The following CXorf58 variants were observed in gnomAD, a reference collection of about 807,000 sequenced individuals.
CXorf58 encodes the protein chromosome X open reading frame 58, also known as uncharacterized protein CXorf58.
CXorf58 carries 24 observed loss-of-function variants against 26.0 expected under a neutral mutation model. The observed-to-expected ratio is 0.92, with a 90% CI of 0.67 to 1.30. The LOEUF (loss-of-function observed/expected upper bound fraction) is 1.30. Among genes scored for constraint, CXorf58 ranks in the 50% most tolerant of loss-of-function variants. CXorf58 has a pLI of 0.00. For synonymous variants in CXorf58, 87 were observed against 86.1 expected, an observed-to-expected ratio of 1.01 and a Z score of -0.06; for missense variants, 236 against 263.9, an observed-to-expected ratio of 0.89 and a Z score of 0.73.
intron 1 of CXorf58, among the ~76,000 whole-genome samples, chrX:23,909,919 TGTAGTTAACAA>T (rs1240649000): frequency 1.8e-5 from 2 of 111,919 alleles, no homozygotes; most frequent in Non-Finnish European, 3.8e-5. Flanking sequence ...CTGAGGACTC[TGTAGTTAACAA>T]GATGCCTCCT....
At chrX:23,936,194 G>C (rs1928294034) in intron 7 of CXorf58, among the ~76,000 whole-genome samples, 1 of 111,008 alleles carries the variant, frequency 9.0e-6, no homozygotes, top group South Asian at 3.9e-4. Flanking sequence ...AGTTGGGGGT[G>C]GGGTGTGCCT....
At chrX:23,909,342 A>G (rs369662784) in intron 1 of CXorf58, among the ~76,000 whole-genome samples, 7 of 111,509 alleles carry the variant, frequency 6.3e-5, no homozygotes, top group African/African-American at 2.3e-4. Context: ...TAGTATTAAC[A>G]TTGATGACTT....
At chrX:23,934,061 T>C (rs1030670963) in intron 6 of CXorf58, among the ~76,000 whole-genome samples, 1 of 110,577 alleles carries the variant, frequency 9.0e-6, no homozygotes, top group African/African-American at 3.3e-5. Flanking sequence ...AACCCAAGCA[T>C]GTCATGAACA....
Position 23,910,264 on chromosome X carries a change from T to C in CXorf58, c.-20-19T>C. On this transcript the variant is annotated intron_variant, in intron 1 of 8. Coordinates refer to ENST00000379211, the MANE Select transcript of CXorf58 (RefSeq NM_152761.3). The stretch of plus-strand genomic sequence containing the variant: ...TAGTATAAATTATGACCTCAAAGGG[T>C]TAATTTATGTACTTTCAGATTACTT... 1.2e-6 allele frequency: 1 copy of C among 845,240 alleles called. No homozygotes were observed. Among genetic ancestry groups the C allele is most frequent in the Non-Finnish European group, 1.7e-6 (1 of 574,099 alleles). The allele number at this position is 845,240 out of a possible 1,213,427, so 69.7% of individuals were successfully genotyped here.
chrX:23,927,740 C>T (rs1057004183), intron 6 of CXorf58, among the ~76,000 whole-genome samples: 2 of 111,178 alleles, frequency 1.8e-5, no homozygotes, highest in Non-Finnish European at 3.8e-5. Flanking sequence ...GATCCTCTCC[C>T]TCCTCCCACC....
chrX:23,923,653 A>G (rs1439951808), intron 5 of CXorf58, among the ~76,000 whole-genome samples: 2 of 108,246 alleles, frequency 1.8e-5, no homozygotes, highest in African/African-American at 6.7e-5. Flanking sequence ...AAAAAAAAAA[A>G]AACCCTAAAT....
intron 5 of CXorf58, among the ~76,000 whole-genome samples, chrX:23,926,295 A>G (rs769327238): frequency 3.6e-5 from 4 of 111,027 alleles, no homozygotes; most frequent in Admixed American, 9.7e-5. Flanking sequence ...GTAGGGCCCA[A>G]CAGGATTTGA....
chrX:23,925,387 A>T (rs1601964570), intron 5 of CXorf58, among the ~76,000 whole-genome samples: 1 of 93,764 alleles, frequency 1.1e-5, no homozygotes, highest in African/African-American at 4.1e-5. Context: ...TCACTCTGTC[A>T]CCCAGACTGG....
In CXorf58 at chrX:23,935,406, C is replaced by T. The variant is rs570262107; in HGVS notation, c.766C>T (p.Arg256Trp). The T allele has an allele frequency of 1.8e-5, 22 of 1,194,015 alleles. No individual in the cohort carries two copies. The highest frequency in any genetic ancestry group is 1.1e-4 in the South Asian group (6 of 56,201). ...VTQEIHKHQL[R>W]IVSEIRGPYL... ...GCAAGAGATCCATAAGCACCAGCTA[C>T]GGATTGTTTCTGAAATTAGGTAAAA... Residue 256 changes from arginine (R) to tryptophan (W), a missense_variant, in exon 7 of 9, where the codon CGG becomes TGG. Transcript: ENST00000379211.
At chrX:23,922,383 AAAAC>A (rs1156357360) in intron 5 of CXorf58, among the ~76,000 whole-genome samples, 1 of 111,276 alleles carries the variant, frequency 9.0e-6, no homozygotes, top group East Asian at 2.8e-4. Flanking sequence ...CAAAAAAACA[AAAAC>A]AAAAACAAAC....
intron 7 of CXorf58, among the ~76,000 whole-genome samples, chrX:23,936,744 C>G (rs1928304395): frequency 9.0e-6 from 1 of 111,401 alleles, no homozygotes; most frequent in African/African-American, 3.3e-5. Flanking sequence ...ATGAGTGATT[C>G]TGACCCAATA....
At chrX:23,928,307 A>G (rs1928069633) in intron 6 of CXorf58, among the ~76,000 whole-genome samples, 1 of 110,152 alleles carries the variant, frequency 9.1e-6, no homozygotes. Flanking sequence ...CAGCCTCCCG[A>G]GTAGCTGGGA....
chrX:23,927,148 G>T (rs1928032749), intron 5 of CXorf58, 91 bp from the exon 6 acceptor site: 3 of 546,812 alleles, frequency 5.5e-6, no homozygotes, highest in South Asian at 1.0e-4. Flanking sequence ...AACAATATTT[G>T]ATGTATTTGT....
intron 1 of CXorf58, 125 bp downstream of exon 1, chrX:23,908,454 C>T (rs1278859579): frequency 8.9e-6 from 1 of 112,011 alleles, no homozygotes; most frequent in Non-Finnish European, 1.9e-5. Flanking sequence ...ATATGCGCAG[C>T]CCTGATCTAA....
intron 5 of CXorf58, among the ~76,000 whole-genome samples, chrX:23,919,639 A>G (rs912857842): frequency 4.5e-5 from 5 of 112,034 alleles, no homozygotes; most frequent in Middle Eastern, 4.6e-3. Flanking sequence ...CTGGTGCCTT[A>G]TTTAGTTTCT....
At chrX:23,924,126 T>C (rs1927940252) in intron 5 of CXorf58, among the ~76,000 whole-genome samples, 1 of 111,534 alleles carries the variant, frequency 9.0e-6, no homozygotes. Context: ...AAGTAAATTA[T>C]AGTTATGCCT....
At chrX:23,915,619 C>A (rs1927699235) in intron 3 of CXorf58, 81 bp from the exon 4 acceptor site, 1 of 548,052 alleles carries the variant, frequency 1.8e-6, no homozygotes, top group African/African-American at 2.3e-5. Context: ...GTTCACTTTA[C>A]CACGTTGCCT....
intron 5 of CXorf58, among the ~76,000 whole-genome samples, chrX:23,926,784 C>A (rs1340831850): frequency 8.9e-6 from 1 of 112,188 alleles, no homozygotes; most frequent in Non-Finnish European, 1.9e-5. Flanking sequence ...CTTTGGGAGG[C>A]CGAGGTGAGC....
At chrX:23,910,470 A>T (rs1423972676) in intron 2 of CXorf58, 52 bp downstream of exon 2, 1 of 663,230 alleles carries the variant, frequency 1.5e-6, no homozygotes. Flanking sequence ...TACAGTTTCC[A>T]AACAGTACTT....
Sources: allele counts gnomAD v4.1 joint callset (sites outside exome capture counted in the v4.1 genomes callset), GRCh38; gene constraint gnomAD v4.1.1; transcripts MANE v1.5; gene names NCBI Gene and HGNC (gene_info 2026-07-23, HGNC 2026-07-21).